Variants in BRAF observed in about 807,000 individuals in gnomAD.
BRAF encodes the protein B-Raf proto-oncogene, serine/threonine kinase, also known as serine/threonine-protein kinase B-raf.
Under a neutral mutation model 104.6 loss-of-function variants are expected in BRAF, and 16 were observed. That is an observed-to-expected ratio of 0.15 (90% CI 0.10 to 0.23). BRAF has a LOEUF of 0.23. Among genes scored for constraint, BRAF ranks in the 10% least tolerant of loss-of-function variants. BRAF has a pLI of 1.00. For missense variants in BRAF, 541 were observed against 937.3 expected (o/e 0.58, Z 5.52); for synonymous variants, 310 against 341.6 (o/e 0.91, Z 1.02).
intron 14 of BRAF, among the ~76,000 whole-genome samples, chr7:140,764,280 T>G (rs1190415858): frequency 2.0e-5 from 3 of 151,372 alleles, no homozygotes; most frequent in African/African-American, 7.3e-5. Context: ...ATAAATTAGG[T>G]ATTGATGGGA....
intron 1 of BRAF, among the ~76,000 whole-genome samples, chr7:140,877,597 T>C (rs548314059): frequency 5.9e-5 from 9 of 151,822 alleles, no homozygotes; most frequent in Non-Finnish European, 5.9e-5. Flanking sequence ...CCAATACAAT[T>C]TACAAATCTC....
chr7:140,800,400 A>T lies in BRAF; in HGVS notation c.942T>A (p.Ser314=). Residue 314 remains serine (S), a synonymous_variant, in exon 7 of 20, where the codon TCT becomes TCA. Coordinates refer to ENST00000644969, the MANE Select transcript of BRAF (RefSeq NM_001374258.1). ...EASLAETALT[S]GSSPSAPASD... ...AGGCGGGTGCGGAAGGGGATGATCC[A>T]GATGTTAGGGCAGTCTCTGCTAAGG... 4.3e-6 allele frequency: 7 copies of T among 1,614,204 alleles called. No individual in the cohort carries two copies. Among genetic ancestry groups the T allele is most frequent in the Non-Finnish European group, 5.9e-6 (7 of 1,180,038 alleles).
intron 1 of BRAF, among the ~76,000 whole-genome samples, chr7:140,870,631 GAAA>G (rs764060432): frequency 1.0e-5 from 1 of 99,358 alleles, no homozygotes; most frequent in Non-Finnish European, 2.1e-5. Context: ...AGGTTAACTA[GAAA>G]AAAAAAAAAA....
intron 1 of BRAF, among the ~76,000 whole-genome samples, chr7:140,917,616 A>C (rs996755988): frequency 1.3e-5 from 2 of 152,154 alleles, no homozygotes; most frequent in Admixed American, 6.5e-5. Flanking sequence ...CAAATAAATC[A>C]ATCTAGTTTT....
intron 14 of BRAF, among the ~76,000 whole-genome samples, chr7:140,775,717 C>A (rs1388497760): frequency 6.6e-6 from 1 of 152,128 alleles, no homozygotes; most frequent in Non-Finnish European, 1.5e-5. Flanking sequence ...GAGATTGTTT[C>A]AAGTCTAGGG....
rs1795223901 is a variant in BRAF at position 140,719,564 on chromosome 7, G to C, written c.*6930C>G. On this transcript the variant is annotated 3_prime_UTR_variant, in exon 20 of 20. Coordinates refer to ENST00000644969, the MANE Select transcript of BRAF (RefSeq NM_001374258.1). ...AGAAAAACTCCAAAGTACAAATGAA[G>C]GGACCTGAGCAGGAAAGAGAACCAA... 4.7e-6 allele frequency: 5 copies of C among 1,052,786 alleles called. No individual in the cohort carries two copies. In the East Asian group the frequency reaches 2.1e-4, roughly 43 times the overall value. The allele number at this position is 1,052,786 out of a possible 1,614,324, so 65.2% of individuals were successfully genotyped here. A position where few individuals can be genotyped will look rare whatever the true frequency, so the allele number is the denominator to read the frequency against.
At position 140,749,271 on chromosome 7, in the gene BRAF, C is replaced by T. The variant is rs3789806; in HGVS notation, c.2112+16G>A. ...ATAGACGGTAAAATAAACACCAAGA[C>T]GTGGTAAATATTTACCTGGTCCCTG... is the stretch of plus-strand genomic sequence containing the variant. On this transcript the variant is annotated intron_variant, in intron 17 of 19. Transcript: ENST00000644969. 333 of 1,610,158 alleles carry T rather than the reference C, an allele frequency of 2.1e-4. 1 individual carries two copies. The Admixed American group carries it at 2.6e-3, about 13-fold the overall frequency.
At chr7:140,753,541 C>T in intron 15 of BRAF, 148 bp from the exon 15 acceptor site, 1 of 598,120 alleles carries the variant, frequency 1.7e-6, no homozygotes, top group Non-Finnish European at 3.0e-6. Flanking sequence ...CTCTTAGAGT[C>T]AATAAGTATG....
At chr7:140,914,771 G>C (rs1279047716) in intron 1 of BRAF, among the ~76,000 whole-genome samples, 3 of 151,970 alleles carry the variant, frequency 2.0e-5, no homozygotes, top group African/African-American at 7.2e-5. Flanking sequence ...CAGGCACGGT[G>C]GCTCATGCCT....
chr7:140,721,241 G>A lies in BRAF; in HGVS notation c.*5253C>T. On this transcript the variant is annotated 3_prime_UTR_variant, in exon 20 of 20. Coordinates refer to ENST00000644969, the MANE Select transcript of BRAF (RefSeq NM_001374258.1). ...AAACTTAACAGTTGAAGTTGTGGAT[G>A]TTAAATAAAAGTACTTTAGTCACTC... 1 of 1,101,722 alleles carries A rather than the reference G, an allele frequency of 9.1e-7. No individual in the cohort carries two copies. Among genetic ancestry groups the A allele is most frequent in the Non-Finnish European group, 1.1e-6 (1 of 904,772 alleles). The allele number at this position is 1,101,722 out of a possible 1,614,324, so 68.2% of individuals were successfully genotyped here.
intron 2 of BRAF, among the ~76,000 whole-genome samples, chr7:140,842,882 T>C (rs1446370090): frequency 2.0e-5 from 3 of 152,068 alleles, no homozygotes; most frequent in Non-Finnish European, 4.4e-5. Flanking sequence ...TTAAATAAAT[T>C]AGTACGTGGG....
intron 14 of BRAF, among the ~76,000 whole-genome samples, chr7:140,756,702 G>A (rs776775662): frequency 6.6e-6 from 1 of 152,158 alleles, no homozygotes; most frequent in Non-Finnish European, 1.5e-5. Flanking sequence ...TCTTTCCTTG[G>A]TAAGATGTTA....
chr7:140,742,900 A>C (rs1159435504), intron 17 of BRAF, among the ~76,000 whole-genome samples: 3 of 151,738 alleles, frequency 2.0e-5, no homozygotes, highest in African/African-American at 7.3e-5. Flanking sequence ...ACCCCATCAA[A>C]AAGTGGGCAA....
In BRAF at chr7:140,749,277, A is replaced by G. The variant is rs2128994241; in HGVS notation, c.2112+10T>C. The G allele has an allele frequency of 6.2e-7, 1 of 1,610,796 alleles. No individual in the cohort carries two copies. The highest frequency in any genetic ancestry group is 2.2e-5 in the East Asian group (1 of 44,740). On this transcript the variant is annotated intron_variant, in intron 17 of 19. Transcript: ENST00000644969. The stretch of plus-strand genomic sequence containing the variant: ...GGTAAAATAAACACCAAGACGTGGT[A>G]AATATTTACCTGGTCCCTGTTGTTG...
At chr7:140,779,248 TTA>T (rs1800621167) in intron 12 of BRAF, among the ~76,000 whole-genome samples, 1 of 152,160 alleles carries the variant, frequency 6.6e-6, no homozygotes, top group Non-Finnish European at 1.5e-5. Context: ...TTTAATTTTT[TTA>T]GAGACAGAGT....
intron 17 of BRAF, among the ~76,000 whole-genome samples, chr7:140,745,512 GA>G (rs937727109): frequency 8.5e-5 from 13 of 152,186 alleles, no homozygotes; most frequent in African/African-American, 3.1e-4. Context: ...TTCATGGACA[GA>G]AGATTCATGT....
intron 8 of BRAF, among the ~76,000 whole-genome samples, chr7:140,792,638 T>G (rs539025439): frequency 4.0e-4 from 61 of 152,242 alleles, no homozygotes; most frequent in Non-Finnish European, 6.9e-4. Context: ...AGATGGAGTT[T>G]ATTACCCCCT....
At position 140,748,352 on chromosome 7, in the gene BRAF, T is replaced by A. The variant is rs1045081017; in HGVS notation, c.2112+935A>T. On this transcript the variant is annotated intron_variant, in intron 17 of 19. Coordinates refer to ENST00000644969, the MANE Select transcript of BRAF (RefSeq NM_001374258.1). ...CTGTTTTTAAAAAAAATCTTTAGAT[T>A]GGTGATTCTCAACTTTGGTCTGTAT... Among the ~76,000 whole-genome samples, 6 of 152,260 alleles carry A rather than the reference T, an allele frequency of 3.9e-5. No individual in the cohort carries two copies. The East Asian group carries it at 1.2e-3, about 29-fold the overall frequency.
intron 1 of BRAF, among the ~76,000 whole-genome samples, chr7:140,884,731 T>C (rs1295138071): frequency 2.6e-5 from 4 of 151,962 alleles, no homozygotes; most frequent in Non-Finnish European, 5.9e-5. Flanking sequence ...TTACAGGTGT[T>C]AGCCACCACA....
Sources: allele counts gnomAD v4.1 joint callset (sites outside exome capture counted in the v4.1 genomes callset), GRCh38; gene constraint gnomAD v4.1.1; transcripts MANE v1.5; gene names NCBI Gene and HGNC (gene_info 2026-07-23, HGNC 2026-07-21).